Variants in FAM168A observed in about 807,000 individuals in gnomAD.
FAM168A encodes the protein protein FAM168A.
FAM168A carries 3 observed loss-of-function variants against 28.5 expected under a neutral mutation model. That is an observed-to-expected ratio of 0.11 (90% CI 0.05 to 0.27). FAM168A has a LOEUF of 0.27. Among genes scored for constraint, FAM168A ranks in the 10% least tolerant of loss-of-function variants. The pLI is 1.00. For synonymous variants in FAM168A, 122 were observed against 124.2 expected (o/e 0.98, Z 0.12); for missense variants, 222 against 311.5 (o/e 0.71, Z 2.16).
intron 1 of FAM168A, among the ~76,000 whole-genome samples, chr11:73,573,217 A>T (rs923932117): frequency 6.6e-6 from 1 of 152,238 alleles, no homozygotes; most frequent in African/African-American, 2.4e-5. Context: ...AATGAAAAAA[A>T]ATCTATTTTA....
intron 2 of FAM168A, among the ~76,000 whole-genome samples, chr11:73,431,404 T>G (rs1233976997): frequency 6.6e-6 from 1 of 151,358 alleles, no homozygotes; most frequent in East Asian, 1.9e-4. Context: ...ACTTTTTATG[T>G]TCAAGTTTAC....
At chr11:73,546,875 T>C (rs750927697) in intron 1 of FAM168A, among the ~76,000 whole-genome samples, 21 of 152,078 alleles carry the variant, frequency 1.4e-4, no homozygotes, top group Non-Finnish European at 2.2e-4. Context: ...TTGATTTTAC[T>C]GTTGTTAATT....
intron 3 of FAM168A, among the ~76,000 whole-genome samples, chr11:73,420,297 C>T (rs1866769451): frequency 6.6e-6 from 1 of 152,240 alleles, no homozygotes; most frequent in Non-Finnish European, 1.5e-5. Flanking sequence ...CTACCTGACA[C>T]TGTGGCCTAG....
intron 2 of FAM168A, among the ~76,000 whole-genome samples, chr11:73,444,570 T>C (rs1222564509): frequency 6.6e-6 from 1 of 152,262 alleles, no homozygotes; most frequent in African/African-American, 2.4e-5. Context: ...TAAAACATTT[T>C]TGTCCCTCTT....
chr11:73,441,795 ACAATTGTT>A (rs1303526942), intron 2 of FAM168A, among the ~76,000 whole-genome samples: 1 of 152,224 alleles, frequency 6.6e-6, no homozygotes, highest in Admixed American at 6.5e-5. Context: ...TTGTTAGCAT[ACAATTGTT>A]CACGGTCTTA....
intron 1 of FAM168A, among the ~76,000 whole-genome samples, chr11:73,501,609 T>G (rs1855011647): frequency 6.6e-6 from 1 of 152,104 alleles, no homozygotes; most frequent in Admixed American, 6.5e-5. Flanking sequence ...ATAATGAAAT[T>G]AAGGCAGAAT....
intron 1 of FAM168A, among the ~76,000 whole-genome samples, chr11:73,531,413 A>G (rs975094646): frequency 2.0e-5 from 3 of 152,220 alleles, no homozygotes; most frequent in African/African-American, 7.2e-5. Context: ...AGAGCAATAG[A>G]TATCAGATGA....
chr11:73,570,741 A>G (rs1247453739), intron 1 of FAM168A, among the ~76,000 whole-genome samples: 1 of 151,998 alleles, frequency 6.6e-6, no homozygotes, highest in East Asian at 1.9e-4. Context: ...CTCAAAAAAA[A>G]AAAAAGACAA....
At chr11:73,494,691 G>A (rs1243873685) in intron 1 of FAM168A, among the ~76,000 whole-genome samples, 1 of 152,164 alleles carries the variant, frequency 6.6e-6, no homozygotes, top group Non-Finnish European at 1.5e-5. Flanking sequence ...CGCCAGGAAA[G>A]CACTCTTGAT....
chr11:73,480,773 G>C (rs749263444), intron 1 of FAM168A, among the ~76,000 whole-genome samples: 2 of 152,184 alleles, frequency 1.3e-5, no homozygotes, highest in Non-Finnish European at 2.9e-5. Context: ...AGGTCCCATA[G>C]ATAGTGGGAT....
intron 2 of FAM168A, among the ~76,000 whole-genome samples, chr11:73,461,625 C>G (rs1867648323): frequency 6.6e-6 from 1 of 152,170 alleles, no homozygotes; most frequent in African/African-American, 2.4e-5. Context: ...TAAAAACTTT[C>G]TATTGCAAGC....
At chr11:73,448,205 G>A (rs151065609) in intron 2 of FAM168A, among the ~76,000 whole-genome samples, 36 of 152,086 alleles carry the variant, frequency 2.4e-4, no homozygotes, top group Non-Finnish European at 3.5e-4. Flanking sequence ...ATGTCACCAC[G>A]CCCAGCTAAT....
intron 2 of FAM168A, among the ~76,000 whole-genome samples, chr11:73,459,010 T>C (rs2134560236): frequency 6.6e-6 from 1 of 152,342 alleles, no homozygotes; most frequent in Admixed American, 6.5e-5. Flanking sequence ...TATGTATTAT[T>C]ATATGCGGTT....
chr11:73,500,656 C>T (rs987706947), intron 1 of FAM168A, among the ~76,000 whole-genome samples: 3 of 152,224 alleles, frequency 2.0e-5, no homozygotes, highest in Admixed American at 1.3e-4. Flanking sequence ...TTCATTACCA[C>T]CAGGCCTGCC....
At chr11:73,534,514 T>C (rs1424877000) in intron 1 of FAM168A, among the ~76,000 whole-genome samples, 1 of 151,804 alleles carries the variant, frequency 6.6e-6, no homozygotes, top group Admixed American at 6.6e-5. Flanking sequence ...GCAATTCTCC[T>C]CCCTCAGCCT....
chr11:73,432,862 A>C (rs1348641162), intron 2 of FAM168A, among the ~76,000 whole-genome samples: 1 of 152,148 alleles, frequency 6.6e-6, no homozygotes, highest in African/African-American at 2.4e-5. Context: ...CAGCCTGGTG[A>C]CAGAGTGAGA....
chr11:73,547,090 A>T (rs1943766159), intron 1 of FAM168A, among the ~76,000 whole-genome samples: 1 of 150,986 alleles, frequency 6.6e-6, no homozygotes, highest in Non-Finnish European at 1.5e-5. Flanking sequence ...TTCAAGAAAA[A>T]AAAAAAAAAA....
intron 1 of FAM168A, among the ~76,000 whole-genome samples, chr11:73,551,156 G>C (rs1943824862): frequency 6.6e-6 from 1 of 151,718 alleles, no homozygotes; most frequent in South Asian, 2.1e-4. Flanking sequence ...GGCAAGCAGA[G>C]GCCAAACCAT....
intron 2 of FAM168A, among the ~76,000 whole-genome samples, chr11:73,455,327 C>T (rs187687337): frequency 2.0e-5 from 3 of 152,324 alleles, no homozygotes; most frequent in South Asian, 2.1e-4. Context: ...TTCGCTCACA[C>T]GCTCTGTCCC....
Sources: gnomAD v4.1 joint callset for allele counts (sites outside exome capture counted in the v4.1 genomes callset) on GRCh38, gnomAD v4.1.1 for gene constraint, MANE v1.5 for transcripts, NCBI Gene and HGNC (gene_info 2026-07-23, HGNC 2026-07-21) for gene names.